Variants in SIPA1L1 observed in about 807,000 individuals in gnomAD.
SIPA1L1 encodes the protein signal induced proliferation associated 1 like 1.
SIPA1L1 carries 26 observed loss-of-function variants against 162.7 expected under a neutral mutation model. The observed-to-expected ratio is 0.16, with a 90% confidence interval of 0.12 to 0.22. The LOEUF is 0.22. Ranked by LOEUF, SIPA1L1 falls within the 10% of genes least tolerant of loss-of-function variation. The probability of loss-of-function intolerance (pLI) is 1.00; values close to 1 mark genes in which losing one functional copy is unlikely to be tolerated. For synonymous variants in SIPA1L1, 829 were observed against 837.4 expected (o/e 0.99, Z 0.17); for missense variants, 1,874 against 2,241.0 (o/e 0.84, Z 3.31).
At chr14:71,572,244 C>G (rs932678722) in intron 4 of SIPA1L1, among the ~76,000 whole-genome samples, 2 of 152,232 alleles carry the variant, frequency 1.3e-5, no homozygotes, top group Non-Finnish European at 2.9e-5. Context: ...AAAGGCCTCT[C>G]CTCTCAATAC....
At chr14:71,714,934 A>G (rs1039861246) in intron 17 of SIPA1L1, among the ~76,000 whole-genome samples, 8 of 152,178 alleles carry the variant, frequency 5.3e-5, no homozygotes, top group Non-Finnish European at 1.0e-4. Context: ...TCCCTTTTCA[A>G]TATTTAATTC....
At chr14:71,663,122 A>AT (rs1400876444) in intron 10 of SIPA1L1, among the ~76,000 whole-genome samples, 2 of 152,202 alleles carry the variant, frequency 1.3e-5, no homozygotes, top group Non-Finnish European at 2.9e-5. Context: ...TAATAGCCAG[A>AT]TTTTTTTAAA....
At chr14:71,468,701 T>G (rs2047218283) in intron 2 of SIPA1L1, among the ~76,000 whole-genome samples, 1 of 152,162 alleles carries the variant, frequency 6.6e-6, no homozygotes, top group Non-Finnish European at 1.5e-5. Context: ...TCACATACAA[T>G]TCAAAGAATT....
At chr14:71,449,650 A>G (rs1049556840) in intron 2 of SIPA1L1, among the ~76,000 whole-genome samples, 3 of 152,258 alleles carry the variant, frequency 2.0e-5, no homozygotes, top group Non-Finnish European at 4.4e-5. Context: ...CGATTTTACT[A>G]GCAGAAAATG....
At chr14:71,422,441 A>C (rs182156841) in intron 2 of SIPA1L1, among the ~76,000 whole-genome samples, 1 of 152,280 alleles carries the variant, frequency 6.6e-6, no homozygotes, top group East Asian at 1.9e-4. Context: ...CATTTCAGTA[A>C]AACTGAAATT....
At position 71,377,189 on chromosome 14, in the gene SIPA1L1, G is replaced by A. The variant is rs530391171; in HGVS notation, c.-465+56008G>A. Among the ~76,000 whole-genome samples the A allele has an allele frequency of 1.5e-4, 23 of 151,046 alleles. No homozygotes were observed. The highest frequency in any genetic ancestry group is 1.2e-3 in the Admixed American group (19 of 15,230). On this transcript the variant is annotated intron_variant, in intron 2 of 23. Transcript: ENST00000381232. The surrounding 1 kb of genome is among the most constrained non-coding windows in gnomAD (Gnocchi z 4.8). ...CCACCTCCCAGATGGGGCGGCGGCC[G>A]GGTGGGGGCGCCCCCCCACCTCCCA...
chr14:71,603,145 ATCTAAG>A (rs1483063470), intron 5 of SIPA1L1, among the ~76,000 whole-genome samples: 2 of 152,086 alleles, frequency 1.3e-5, no homozygotes, highest in Non-Finnish European at 2.9e-5. Context: ...AGTCTGTTTT[ATCTAAG>A]TCTACCTATT....
Position 71,714,474 on chromosome 14 carries a change from G to A in SIPA1L1, c.4208+4810G>A, listed in dbSNP as rs575700783. 7.2e-5 allele frequency among the ~76,000 whole-genome samples: 11 copies of A among 152,298 alleles called. No homozygotes were observed. In the South Asian group the frequency reaches 1.2e-3, roughly 17 times the overall value. ...AAAAGGAATTCAGAAAGGGCAGAGA[G>A]CCCATTCTTCGTCATATGTAAAGCA... On this transcript the variant is annotated intron_variant, in intron 17 of 23. Transcript: ENST00000381232.
chr14:71,688,688 T>C (rs1438157172), intron 13 of SIPA1L1, among the ~76,000 whole-genome samples: 2 of 152,200 alleles, frequency 1.3e-5, no homozygotes, highest in African/African-American at 2.4e-5. Context: ...AGCGCCGTCC[T>C]GAGTGCCATT....
At chr14:71,435,407 T>C (rs528305428) in intron 2 of SIPA1L1, among the ~76,000 whole-genome samples, 1 of 152,244 alleles carries the variant, frequency 6.6e-6, no homozygotes, top group Non-Finnish European at 1.5e-5. Flanking sequence ...TTCCCACCTA[T>C]GAGTGAGAAC....
intron 2 of SIPA1L1, among the ~76,000 whole-genome samples, chr14:71,413,109 G>T (rs1012430686): frequency 3.9e-5 from 6 of 152,126 alleles, no homozygotes; most frequent in African/African-American, 1.2e-4. Flanking sequence ...ATGTTTAGTG[G>T]CTTCCCTGGT....
chr14:71,702,898 G>A (rs2082188993), intron 15 of SIPA1L1, among the ~76,000 whole-genome samples: 1 of 152,142 alleles, frequency 6.6e-6, no homozygotes, highest in African/African-American at 2.4e-5. Flanking sequence ...TACAATTATT[G>A]TTTAGTCACA....
intron 2 of SIPA1L1, among the ~76,000 whole-genome samples, chr14:71,339,009 G>A (rs1327680705): frequency 6.6e-6 from 1 of 152,120 alleles, no homozygotes; most frequent in Non-Finnish European, 1.5e-5. Context: ...CAAAGTGCTG[G>A]GATTACAGGT....
intron 14 of SIPA1L1, among the ~76,000 whole-genome samples, chr14:71,699,804 A>T (rs985545073): frequency 2.0e-5 from 3 of 152,220 alleles, no homozygotes; most frequent in African/African-American, 4.8e-5. Context: ...TTTGAGGAAG[A>T]TATTTCAAAG....
intron 5 of SIPA1L1, among the ~76,000 whole-genome samples, chr14:71,608,681 G>T (rs1257238806): frequency 6.6e-6 from 1 of 152,114 alleles, no homozygotes; most frequent in African/African-American, 2.4e-5. Flanking sequence ...CAGATCACGA[G>T]GTCAGGGGTT....
chr14:71,349,758 G>A (rs1380581634), intron 2 of SIPA1L1, among the ~76,000 whole-genome samples: 1 of 152,194 alleles, frequency 6.6e-6, no homozygotes, highest in East Asian at 1.9e-4. Flanking sequence ...AAAGGTGAAT[G>A]TCAAGTTCTG....
chr14:71,570,581 T>C (rs1456215439), intron 4 of SIPA1L1, among the ~76,000 whole-genome samples: 1 of 152,142 alleles, frequency 6.6e-6, no homozygotes, highest in Non-Finnish European at 1.5e-5. Context: ...GCTATTTTAA[T>C]GCCTCAATTT....
At chr14:71,707,972 T>C (rs2082577602) in intron 16 of SIPA1L1, among the ~76,000 whole-genome samples, 1 of 151,684 alleles carries the variant, frequency 6.6e-6, no homozygotes, top group Non-Finnish European at 1.5e-5. Context: ...ACTAATGGTA[T>C]TGAATATCTT....
At chr14:71,657,308 A>G (rs1271491149) in intron 8 of SIPA1L1, among the ~76,000 whole-genome samples, 4 of 143,460 alleles carry the variant, frequency 2.8e-5, no homozygotes, top group African/African-American at 5.3e-5. Context: ...AGATCGCACC[A>G]TTGTACTCCA....
Sources: allele counts gnomAD v4.1 joint callset (sites outside exome capture counted in the v4.1 genomes callset), GRCh38; gene constraint gnomAD v4.1.1; non-coding constraint Gnocchi (gnomAD v3.1); transcripts MANE v1.5; gene names NCBI Gene and HGNC (gene_info 2026-07-23, HGNC 2026-07-21).